C4orf50: variants seen among roughly 807,000 people sequenced by gnomAD.
The protein encoded by C4orf50 is uncharacterized protein C4orf50.
Under a neutral mutation model 77.2 loss-of-function variants are expected in C4orf50, and 80 were observed. That is an observed-to-expected ratio of 1.04 (90% CI 0.87 to 1.25). The LOEUF is 1.25. C4orf50 is among the 50% of genes most tolerant of loss of function. The pLI, the probability that C4orf50 is intolerant of heterozygous loss-of-function variation, is 0.00. For synonymous variants in C4orf50, 532 were observed against 465.3 expected, an observed-to-expected ratio of 1.14 and a Z score of -1.84; for missense variants, 1,257 against 1,152.9, an observed-to-expected ratio of 1.09 and a Z score of -1.31.
exon 30 of C4orf50, chr4:5,975,940 T>C: frequency 6.2e-7 from 1 of 1,613,992 alleles, no homozygotes; most frequent in Non-Finnish European, 8.5e-7. Context: ...TGTTGCTTTT[T>C]CTGAAGTTCT....
At chr4:5,915,056 G>C (rs1255440399) in intron 7 of C4orf50, among the ~76,000 whole-genome samples, 1 of 152,076 alleles carries the variant, frequency 6.6e-6, no homozygotes, top group Non-Finnish European at 1.5e-5. Flanking sequence ...CAATATACAG[G>C]ACAGGCACCG....
rs529038269 is a variant in C4orf50 at position 5,933,739 on chromosome 4, C to G, written c.*2474+23162G>C. On this transcript the variant is annotated intron_variant, in intron 7 of 7. Transcript: ENST00000324058. ...GGAAATGGGCTAGGCATAGCAAGGT[C>G]CCCTCTGGCCCAGACCCCCTTGAAG... Among the ~76,000 whole-genome samples the G allele has an allele frequency of 1.2e-3, 190 of 152,210 alleles. 1 individual carries two copies. Among genetic ancestry groups the G allele is most frequent in the Admixed American group, 3.5e-3 (54 of 15,308 alleles).
At chr4:5,979,318 A>T (rs1017383853) in intron 29 of C4orf50, among the ~76,000 whole-genome samples, 5 of 152,256 alleles carry the variant, frequency 3.3e-5, no homozygotes, top group African/African-American at 1.2e-4. Context: ...TTGATTAAAT[A>T]AGTTATGATT....
At chr4:5,911,397 G>A (rs1049510305) in intron 7 of C4orf50, among the ~76,000 whole-genome samples, 2 of 152,230 alleles carry the variant, frequency 1.3e-5, no homozygotes, top group African/African-American at 4.8e-5. Context: ...TCGTTCATGA[G>A]TGAAGTTACA....
chr4:5,943,811 C>T (rs930301236), intron 7 of C4orf50, among the ~76,000 whole-genome samples: 1 of 152,202 alleles, frequency 6.6e-6, no homozygotes, highest in Non-Finnish European at 1.5e-5. Flanking sequence ...AAGCACTGCC[C>T]TGTGTAAGAT....
At position 5,928,363 on chromosome 4, in the gene C4orf50, TAC is replaced by T. The variant is rs143874965; in HGVS notation, c.*2474+28536_*2474+28537del. On this transcript the variant is annotated intron_variant, in intron 7 of 7. Coordinates refer to the C4orf50 transcript ENST00000324058. Reference sequence around the variant, plus strand: ...CCCCTCTCATACACACACACACACATACACACACACACACATACACACACACA... The same window carrying T: ...CCCCTCTCATACACACACACACACATACACACACACACATACACACACACA... Among the ~76,000 whole-genome samples the T allele has an allele frequency of 1.9e-3, 277 of 146,532 alleles. 1 individual carries two copies. Among genetic ancestry groups the T allele is most frequent in the African/African-American group, 6.8e-3 (264 of 39,018 alleles).
At chr4:5,998,266 G>A (rs972281859) in intron 25 of C4orf50, among the ~76,000 whole-genome samples, 6 of 152,180 alleles carry the variant, frequency 3.9e-5, no homozygotes, top group Non-Finnish European at 5.9e-5. Context: ...TAATGGAGCT[G>A]TCCATATTTT....
In C4orf50 at chr4:5,973,748, GGTTCCCC is replaced by G; in HGVS notation, c.4008_4014del (p.Gly1337SerfsTer41). ...TTCTGCGCCAGCTCGGAGAGCAGGA[GGTTCCCC>G]AGCCCATGTCTGTGCAGCTCCTGCA... On this transcript the variant is annotated frameshift_variant, in exon 31 of 34. Transcript: ENST00000531445. LOFTEE classifies it high-confidence loss of function. 6.2e-7 allele frequency: 1 copy of G among 1,613,440 alleles called. No individual in the cohort carries two copies. The highest frequency in any genetic ancestry group is 8.5e-7 in the Non-Finnish European group (1 of 1,179,808).
chr4:5,963,339 T>TA (rs1719380792), intron 33 of C4orf50, among the ~76,000 whole-genome samples: 1 of 152,024 alleles, frequency 6.6e-6, no homozygotes, highest in African/African-American at 2.4e-5. Context: ...TAGATTAAAA[T>TA]AAAAAATCAG....
chr4:5,932,642 G>T lies in C4orf50; in HGVS notation c.*2474+24259C>A, dbSNP rs949337034. 9.2e-5 allele frequency among the ~76,000 whole-genome samples: 14 copies of T among 152,074 alleles called. No individual in the cohort carries two copies. The highest frequency in any genetic ancestry group is 3.4e-4 in the African/African-American group (14 of 41,414). ...TTTTTTATAGAGATGGAGTCCCCCT[G>T]CCTTGCTCAGGCTGGTCTTGAACTC... On this transcript the variant is annotated intron_variant, in intron 7 of 7. Transcript: ENST00000324058. This position sits in a 1 kb window ranked among gnomAD's most constrained non-coding sequence, Gnocchi z 4.2.
At chr4:5,978,480 A>G (rs991758346) in intron 29 of C4orf50, among the ~76,000 whole-genome samples, 6 of 152,262 alleles carry the variant, frequency 3.9e-5, no homozygotes, top group Non-Finnish European at 8.8e-5. Context: ...GAAAGAAAAA[A>G]GAATGAAAAT....
At chr4:5,935,192 A>G (rs1021743484) in intron 7 of C4orf50, among the ~76,000 whole-genome samples, 3 of 152,172 alleles carry the variant, frequency 2.0e-5, no homozygotes, top group Non-Finnish European at 2.9e-5. Flanking sequence ...CAATGGTGCC[A>G]CTGCCACTCC....
chr4:5,997,189 G>A (rs999660330), intron 25 of C4orf50, among the ~76,000 whole-genome samples: 4 of 152,206 alleles, frequency 2.6e-5, no homozygotes, highest in African/African-American at 4.8e-5. Context: ...ACTCCGTAGC[G>A]CAGAAGGTAG....
chr4:5,938,509 A>G (rs186687651), intron 7 of C4orf50, among the ~76,000 whole-genome samples: 9 of 152,298 alleles, frequency 5.9e-5, no homozygotes, highest in Admixed American at 5.9e-4. Context: ...GGGGAAAGAC[A>G]AGCCTTCCCA....
intron 7 of C4orf50, among the ~76,000 whole-genome samples, chr4:5,913,725 C>T (rs796964434): frequency 3.5e-4 from 53 of 152,306 alleles, no homozygotes; most frequent in African/African-American, 1.1e-3. Context: ...CGTCCACAGA[C>T]GTTGGGACCA....
Position 5,958,895 on chromosome 4 carries a change from C to T in C4orf50, c.*480G>A, listed in dbSNP as rs1355770360. On this transcript the variant is annotated 3_prime_UTR_variant, in exon 34 of 34. Transcript: ENST00000531445. The surrounding 1 kb of genome is among the most constrained non-coding windows in gnomAD (Gnocchi z 5.4). ...TCTTGTTGGGAGCTATGAGATCCGT[C>T]CTGGACTCTCGACCTCAGCACTGGC... 1 of 160,012 alleles carries T rather than the reference C, an allele frequency of 6.2e-6. No homozygotes were observed. The highest frequency in any genetic ancestry group is 2.4e-5 in the African/African-American group (1 of 41,614). 9.9% of individuals were successfully genotyped at this position (160,012 alleles called of 1,614,324 possible).
Position 6,015,416 on chromosome 4 carries a change from C to G in C4orf50, c.287+2729G>C, listed in dbSNP as rs1449604645. ...CCTCAGGAGAAACCAATCCTGCCGA[C>G]CCCCCGAGCTTGGGCTTTTGGGATC... is the stretch of plus-strand genomic sequence containing the variant. On this transcript the variant is annotated intron_variant, in intron 23 of 33. Coordinates refer to ENST00000531445, the Ensembl canonical transcript of C4orf50. The surrounding 1 kb of genome is among the most constrained non-coding windows in gnomAD (Gnocchi z 4.4). Among the ~76,000 whole-genome samples the G allele has an allele frequency of 6.6e-6, 1 of 152,074 alleles. No homozygotes were observed. The highest frequency in any genetic ancestry group is 2.4e-5 in the African/African-American group (1 of 41,382).
At chr4:5,949,935 G>A (rs377658776) in intron 7 of C4orf50, among the ~76,000 whole-genome samples, 36 of 144,330 alleles carry the variant, frequency 2.5e-4, no homozygotes, top group African/African-American at 9.2e-4. Context: ...GTTGCAGTGA[G>A]CCAAGATCGC....
At chr4:5,934,599 A>C (rs757921808) in intron 7 of C4orf50, among the ~76,000 whole-genome samples, 7 of 151,966 alleles carry the variant, frequency 4.6e-5, no homozygotes, top group Non-Finnish European at 7.4e-5. Context: ...CTTTTTCCTC[A>C]GCTCCAAACC....
Sources: allele counts gnomAD v4.1 joint callset (sites outside exome capture counted in the v4.1 genomes callset), GRCh38; gene constraint gnomAD v4.1.1; non-coding constraint Gnocchi (gnomAD v3.1); transcripts MANE v1.5; gene names NCBI Gene and HGNC (gene_info 2026-07-23, HGNC 2026-07-21).